The following DCAF8L2 variants were observed in gnomAD, a reference collection of about 807,000 sequenced individuals.
The protein encoded by DCAF8L2 is DDB1- and CUL4-associated factor 8-like protein 2.
For missense variants in DCAF8L2, 430 were observed against 490.7 expected (o/e 0.88, Z 1.17); for synonymous variants, 200 against 190.9 (o/e 1.05, Z -0.39).
intron 2 of DCAF8L2, among the ~76,000 whole-genome samples, chrX:27,645,715 A>G (rs1360453205): frequency 8.9e-6 from 1 of 111,875 alleles, no homozygotes; most frequent in African/African-American, 3.2e-5. Context: ...AACTTCAGCA[A>G]AATCTCAGGA....
At chrX:27,537,009 T>A in the DCAF8L2 span, among the ~76,000 whole-genome samples, 2,118 of 112,661 alleles carry the variant, frequency 0.019, 28 homozygotes, top group Non-Finnish European at 0.025. Context: ...GAGGTTTTTT[T>A]AATTGCTATT....
the DCAF8L2 span, among the ~76,000 whole-genome samples, chrX:27,566,936 T>A: frequency 9.0e-6 from 1 of 111,490 alleles, no homozygotes; most frequent in African/African-American, 3.3e-5. Context: ...ACTTTGTTTT[T>A]CTCAAGGTAC....
intron 1 of DCAF8L2, among the ~76,000 whole-genome samples, chrX:27,592,275 G>A (rs750287976): frequency 1.8e-5 from 2 of 112,214 alleles, no homozygotes; most frequent in East Asian, 5.7e-4. Context: ...CTCCTTTCAC[G>A]TCCCCCTGGG....
chrX:27,666,098 C>A (rs968069173), intron 2 of DCAF8L2, among the ~76,000 whole-genome samples: 6 of 111,687 alleles, frequency 5.4e-5, no homozygotes, highest in African/African-American at 1.3e-4. Flanking sequence ...TAGCTTCTTT[C>A]ATCAATAATT....
the DCAF8L2 span, chrX:27,518,963 A>G: frequency 1.6e-6 from 1 of 619,043 alleles, no homozygotes; most frequent in South Asian, 2.3e-5. Flanking sequence ...TTTGTTTTTT[A>G]TGCACCTCAT....
At chrX:27,620,846 C>T (rs912063642) in intron 1 of DCAF8L2, among the ~76,000 whole-genome samples, 27 of 111,901 alleles carry the variant, frequency 2.4e-4, no homozygotes, top group Non-Finnish European at 4.9e-4. Context: ...AAAAACAGGG[C>T]TTCAAAGAGC....
the DCAF8L2 span, chrX:27,518,185 G>A: frequency 2.2e-6 from 2 of 921,242 alleles, no homozygotes; most frequent in Non-Finnish European, 3.2e-6. Flanking sequence ...AGAAACTGCA[G>A]TTCTTTTGGC....
chrX:27,583,659 C>T, the DCAF8L2 span, among the ~76,000 whole-genome samples: 1 of 111,121 alleles, frequency 9.0e-6, no homozygotes, highest in Non-Finnish European at 1.9e-5. Context: ...TGCCTGAACT[C>T]CACCTCCTGT....
the DCAF8L2 span, among the ~76,000 whole-genome samples, chrX:27,496,110 T>G: frequency 3.2e-3 from 361 of 111,646 alleles, 2 homozygotes; most frequent in African/African-American, 0.011. Context: ...TAGTTTTCAG[T>G]GTACAAGTCT....
chrX:27,734,282 C>T (rs2147324531), intron 4 of DCAF8L2, among the ~76,000 whole-genome samples: 1 of 111,297 alleles, frequency 9.0e-6, no homozygotes, highest in African/African-American at 3.3e-5. Context: ...AACTAACACA[C>T]AGAATCAGTG....
At chrX:27,512,792 A>AC in the DCAF8L2 span, among the ~76,000 whole-genome samples, 83 of 71,197 alleles carry the variant, frequency 1.2e-3, 2 homozygotes, top group East Asian at 6.1e-3. Context: ...AAAAAAAAAA[A>AC]AAAAAAAAAA....
the DCAF8L2 span, among the ~76,000 whole-genome samples, chrX:27,545,610 T>C: frequency 9.0e-6 from 1 of 111,664 alleles, no homozygotes; most frequent in Non-Finnish European, 1.9e-5. Context: ...GTTCTCATCA[T>C]AGGGAGTAAG....
the DCAF8L2 span, among the ~76,000 whole-genome samples, chrX:27,573,250 TCTCTCACA>T: frequency 1.0e-5 from 1 of 95,244 alleles, no homozygotes; most frequent in Non-Finnish European, 2.1e-5. Context: ...TCTCTCTCTC[TCTCTCACA>T]CACACACACA....
At chrX:27,555,078 C>T in the DCAF8L2 span, among the ~76,000 whole-genome samples, 4 of 111,610 alleles carry the variant, frequency 3.6e-5, no homozygotes, top group Non-Finnish European at 5.6e-5. Flanking sequence ...CGCATCTTAA[C>T]GCAGGGGTAA....
At chrX:27,600,025 G>A (rs925428644) in intron 1 of DCAF8L2, among the ~76,000 whole-genome samples, 1 of 111,956 alleles carries the variant, frequency 8.9e-6, no homozygotes, top group Non-Finnish European at 1.9e-5. Flanking sequence ...GCAAATGAAT[G>A]ATTATTCTAA....
the DCAF8L2 span, among the ~76,000 whole-genome samples, chrX:27,538,784 T>G: frequency 9.0e-6 from 1 of 111,579 alleles, no homozygotes; most frequent in Non-Finnish European, 1.9e-5. Context: ...ATAAAAGTAC[T>G]TTCTCAATAA....
chrX:27,601,360 C>T (rs946967803), intron 1 of DCAF8L2, among the ~76,000 whole-genome samples: 1 of 112,118 alleles, frequency 8.9e-6, no homozygotes, highest in Non-Finnish European at 1.9e-5. Flanking sequence ...AAATATTACC[C>T]AGGTAAATAT....
At chrX:27,629,265 A>G in intron 1 of DCAF8L2, among the ~76,000 whole-genome samples, 1 of 111,477 alleles carries the variant, frequency 9.0e-6, no homozygotes, top group Non-Finnish European at 1.9e-5. Context: ...TTGGTGTCAT[A>G]GCCAATAACT....
intron 1 of DCAF8L2, among the ~76,000 whole-genome samples, chrX:27,627,042 G>A (rs1401571196): frequency 9.9e-6 from 1 of 101,308 alleles, no homozygotes; most frequent in East Asian, 3.1e-4. Context: ...TCTAGGTGGT[G>A]GAAAAAAATA....
Sources: gnomAD v4.1 joint callset for allele counts (sites outside exome capture counted in the v4.1 genomes callset) on GRCh38, gnomAD v4.1.1 for gene constraint, MANE v1.5 for transcripts, NCBI Gene and HGNC (gene_info 2026-07-23, HGNC 2026-07-21) for gene names.